The following NEDD9 variants were observed in gnomAD, a reference collection of about 807,000 sequenced individuals.
The protein encoded by NEDD9 is neural precursor cell expressed, developmentally down-regulated 9.
A neutral mutation model predicts 76.6 loss-of-function variants in NEDD9; 26 were observed. The observed-to-expected ratio is 0.34, with a 90% CI of 0.25 to 0.47. The LOEUF (loss-of-function observed/expected upper bound fraction) is 0.47. Among genes scored for constraint, NEDD9 ranks in the 20% least tolerant of loss-of-function variants. The pLI, the probability that NEDD9 is intolerant of heterozygous loss-of-function variation, is 1.00. For synonymous variants in NEDD9, 392 were observed against 414.2 expected (o/e 0.95, Z 0.65); for missense variants, 937 against 1,058.5 (o/e 0.89, Z 1.59).
intron 1 of NEDD9, among the ~76,000 whole-genome samples, chr6:11,227,767 G>T (rs575030944): frequency 6.6e-6 from 1 of 151,692 alleles, no homozygotes; most frequent in Non-Finnish European, 1.5e-5. Context: ...TTGATTGAAA[G>T]AGGTCAATAA....
chr6:11,263,215 A>G (rs1760145442), intron 3 of NEDD9, among the ~76,000 whole-genome samples: 1 of 152,214 alleles, frequency 6.6e-6, no homozygotes, highest in Non-Finnish European at 1.5e-5. Context: ...AGGATTTTGT[A>G]GCTTTTTTGT....
intron 3 of NEDD9, among the ~76,000 whole-genome samples, chr6:11,298,774 G>T (rs551963024): frequency 6.6e-6 from 1 of 152,316 alleles, no homozygotes; most frequent in African/African-American, 2.4e-5. Context: ...GAAGTATCCA[G>T]TTCTGTGACA....
intron 5 of NEDD9, 71 bp downstream of exon 5, chr6:11,189,893 C>T: frequency 6.7e-7 from 1 of 1,483,860 alleles, no homozygotes; most frequent in Non-Finnish European, 8.9e-7. Context: ...ACCCGACATC[C>T]TTATAGGCAT....
intron 3 of NEDD9, among the ~76,000 whole-genome samples, chr6:11,272,218 A>G (rs937728849): frequency 2.0e-5 from 3 of 152,158 alleles, no homozygotes; most frequent in African/African-American, 7.2e-5. Flanking sequence ...ATGTGCAGAA[A>G]ACAAATCAGG....
intron 2 of NEDD9, among the ~76,000 whole-genome samples, chr6:11,329,114 GA>G (rs1411812227): frequency 6.6e-6 from 1 of 152,216 alleles, no homozygotes; most frequent in Non-Finnish European, 1.5e-5. Context: ...GGGTCAGAGA[GA>G]AGTGCTAAGC....
At chr6:11,271,735 G>A (rs1374366575) in intron 3 of NEDD9, 2 of 152,202 alleles carry the variant, frequency 1.3e-5, no homozygotes, top group Non-Finnish European at 2.9e-5. Context: ...TGAATCTGCA[G>A]CTTCATTCAT....
chr6:11,216,642 T>G (rs1186341244), intron 1 of NEDD9, among the ~76,000 whole-genome samples: 2 of 152,206 alleles, frequency 1.3e-5, no homozygotes, highest in East Asian at 1.9e-4. Flanking sequence ...ATTGGATATT[T>G]GCGGTCTTAG....
intron 2 of NEDD9, among the ~76,000 whole-genome samples, chr6:11,325,644 A>G: frequency 6.6e-6 from 1 of 152,228 alleles, no homozygotes; most frequent in African/African-American, 2.4e-5. Flanking sequence ...GTGACAAGTC[A>G]AAAGAGAGAC....
At chr6:11,271,907 C>A (rs937105650) in intron 3 of NEDD9, 1 of 152,134 alleles carries the variant, frequency 6.6e-6, no homozygotes, top group Non-Finnish European at 1.5e-5. Flanking sequence ...GCATTTGGGC[C>A]CCTGCTATGT....
intron 2 of NEDD9, among the ~76,000 whole-genome samples, chr6:11,319,605 GCA>G (rs942160726): frequency 2.5e-4 from 24 of 95,806 alleles, no homozygotes; most frequent in Non-Finnish European, 3.8e-4. Context: ...CACTAACCAT[GCA>G]CACTCACACT....
At chr6:11,193,266 G>C (rs1012598433) in intron 3 of NEDD9, among the ~76,000 whole-genome samples, 7 of 150,514 alleles carry the variant, frequency 4.7e-5, no homozygotes, top group South Asian at 2.1e-4. Flanking sequence ...AGCTGAGATA[G>C]AGCCACTGCA....
chr6:11,280,029 T>G (rs1031255535), intron 3 of NEDD9, among the ~76,000 whole-genome samples: 1 of 152,124 alleles, frequency 6.6e-6, no homozygotes, highest in Non-Finnish European at 1.5e-5. Context: ...CTATTGACAT[T>G]TGGGGCCAGA....
chr6:11,285,738 G>T (rs1367095421), intron 3 of NEDD9, among the ~76,000 whole-genome samples: 1 of 152,144 alleles, frequency 6.6e-6, no homozygotes, highest in South Asian at 2.1e-4. Flanking sequence ...TTTGACAAAG[G>T]TGCAAAGAAA....
At chr6:11,194,983 G>A (rs1758254559) in intron 2 of NEDD9, among the ~76,000 whole-genome samples, 1 of 152,206 alleles carries the variant, frequency 6.6e-6, no homozygotes, top group African/African-American at 2.4e-5. Context: ...CATCTTTGAG[G>A]AGAACAGACA....
chr6:11,299,214 G>T (rs1013271901), intron 3 of NEDD9, among the ~76,000 whole-genome samples: 1 of 152,168 alleles, frequency 6.6e-6, no homozygotes, highest in Non-Finnish European at 1.5e-5. Flanking sequence ...TGGGTCCCAC[G>T]CCCACAGAGC....
intron 3 of NEDD9, 149 bp from the exon 4 acceptor site, chr6:11,192,595 C>CTT (rs1758177387): frequency 2.9e-5 from 11 of 373,186 alleles, no homozygotes; most frequent in Admixed American, 9.1e-5. Flanking sequence ...AGATTTATTG[C>CTT]CTTTTTTTTT....
At chr6:11,328,261 C>T (rs1761968990) in intron 2 of NEDD9, among the ~76,000 whole-genome samples, 1 of 152,192 alleles carries the variant, frequency 6.6e-6, no homozygotes, top group Non-Finnish European at 1.5e-5. Flanking sequence ...GAGACACTCC[C>T]ATAAGGAAGA....
At chr6:11,253,915 A>T (rs901296605) in intron 3 of NEDD9, among the ~76,000 whole-genome samples, 3 of 152,134 alleles carry the variant, frequency 2.0e-5, no homozygotes, top group African/African-American at 4.8e-5. Flanking sequence ...ATTTTTTTTT[A>T]AATGAATTTT....
intron 2 of NEDD9, among the ~76,000 whole-genome samples, chr6:11,307,617 C>T (rs1761227540): frequency 6.6e-6 from 1 of 152,026 alleles, no homozygotes; most frequent in South Asian, 2.1e-4. Flanking sequence ...ATACCATAAA[C>T]TACAGTACCA....
Sources: gnomAD v4.1 joint callset for allele counts (sites outside exome capture counted in the v4.1 genomes callset) on GRCh38, gnomAD v4.1.1 for gene constraint, MANE v1.5 for transcripts, NCBI Gene and HGNC (gene_info 2026-07-23, HGNC 2026-07-21) for gene names.